NR4A3: variants seen among roughly 807,000 people sequenced by gnomAD.
The protein encoded by NR4A3 is nuclear receptor subfamily 4 group A member 3, also known as chondrosarcoma, extraskeletal myxoid, fused to EWS.
In NR4A3, 13 loss-of-function variants were observed where a neutral mutation model predicts 55.6. The observed-to-expected ratio is 0.23, with a 90% CI of 0.15 to 0.37. NR4A3 has a LOEUF of 0.37. Ranked by LOEUF, NR4A3 falls within the 10% of genes least tolerant of loss-of-function variation. The pLI is 1.00. For missense variants in NR4A3, 646 were observed against 822.8 expected (o/e 0.79, Z 2.63); for synonymous variants, 342 against 357.9 (o/e 0.96, Z 0.50).
chr9:99,835,358 G>A (rs1233878802), intron 5 of NR4A3, among the ~76,000 whole-genome samples: 2 of 152,198 alleles, frequency 1.3e-5, no homozygotes, highest in African/African-American at 4.8e-5. Context: ...GACAGAATTA[G>A]GAGCCAAGTA....
At position 99,865,074 on chromosome 9, in the gene NR4A3, C is replaced by CCGTGTT. The variant is rs1390337195; in HGVS notation, c.*1211_*1216dup. The CCGTGTT allele has an allele frequency of 5.0e-6, 1 of 201,684 alleles. No individual in the cohort carries two copies. The highest frequency in any genetic ancestry group is 7.6e-5 in the East Asian group (1 of 13,228). 12.5% of individuals were successfully genotyped at this position (201,684 alleles called of 1,614,324 possible). ...GATTAGTGGGCTGCGTTTCAACATT[C>CCGTGTT]CGTGTTCGTACTCCCTTTTGTATGT... On this transcript the variant is annotated 3_prime_UTR_variant, in exon 8 of 8. Coordinates refer to ENST00000395097, the MANE Select transcript of NR4A3 (RefSeq NM_006981.4). The surrounding 1 kb of genome is among the most constrained non-coding windows in gnomAD (Gnocchi z 4.3).
rs1827370146 is a variant in NR4A3, at chr9:99,828,681, C to T, written c.639C>T (p.Tyr213=). 2.2e-6 allele frequency: 3 copies of T among 1,377,670 alleles called. No homozygotes were observed. Among genetic ancestry groups the T allele is most frequent in the South Asian group, 3.3e-5 (2 of 60,090 alleles). 85.3% of individuals were successfully genotyped at this position (1,377,670 alleles called of 1,614,324 possible). ...CGGCCGGCGGCCACCACCTCGGCTA[C>T]GACCCGACGGCCGCTGCCGCGCTCA... The part of the protein sequence containing the change: ...PSPAGGHHLG[Y]DPTAAAALSL... The change falls in exon 3 of 8, where the codon TAC becomes TAT. Residue 213 remains tyrosine (Y), a synonymous_variant. Coordinates refer to ENST00000395097, the MANE Select transcript of NR4A3 (RefSeq NM_006981.4). This position sits in a 1 kb window ranked among gnomAD's most constrained non-coding sequence, Gnocchi z 7.7.
At chr9:99,857,753 CACAA>C (rs1456784200) in intron 7 of NR4A3, among the ~76,000 whole-genome samples, 5 of 112,398 alleles carry the variant, frequency 4.4e-5, no homozygotes, top group Non-Finnish European at 9.4e-5. Flanking sequence ...GACTCTGTCT[CACAA>C]ATAAATAAAT....
intron 6 of NR4A3, among the ~76,000 whole-genome samples, chr9:99,845,808 C>T (rs1381268087): frequency 6.6e-6 from 1 of 152,192 alleles, no homozygotes; most frequent in Admixed American, 6.5e-5. Context: ...GTTTTATACT[C>T]TGAGACTAAA....
chr9:99,833,492 A>G (rs1381953829), intron 5 of NR4A3, 38 bp downstream of exon 5: 1 of 1,613,942 alleles, frequency 6.2e-7, no homozygotes, highest in East Asian at 2.2e-5. Context: ...ATGAATGATC[A>G]GGGTCTCTAT....
chr9:99,826,746 T>C (rs932229561), intron 2 of NR4A3: 1 of 1,613,452 alleles, frequency 6.2e-7, no homozygotes, highest in Non-Finnish European at 8.5e-7. Flanking sequence ...ATCACCTTTT[T>C]TCAAGTCAAG....
At position 99,832,684 on chromosome 9, in the gene NR4A3, C is replaced by A; in HGVS notation, c.952-5C>A. ...AGTTGACTATCTTGTATTATATTTTCTCAGAGAACAGTGCAGAAAAATGCA... is the reference window on the plus strand; with the variant it reads ...AGTTGACTATCTTGTATTATATTTTATCAGAGAACAGTGCAGAAAAATGCA... On this transcript the variant is annotated splice_region_variant and splice_polypyrimidine_tract_variant and intron_variant, in intron 3 of 7. Coordinates refer to ENST00000395097, the MANE Select transcript of NR4A3 (RefSeq NM_006981.4). The A allele has an allele frequency of 6.3e-7, 1 of 1,583,998 alleles. No homozygotes were observed. The highest frequency in any genetic ancestry group is 8.6e-7 in the Non-Finnish European group (1 of 1,160,108).
Position 99,828,048 on chromosome 9 carries a change from C to G in NR4A3, c.6C>G (p.Pro2=). Residue 2 remains proline (P), a synonymous_variant, in exon 3 of 8, where the codon CCC becomes CCG. Transcript: ENST00000395097. The surrounding 1 kb of genome is among the most constrained non-coding windows in gnomAD (Gnocchi z 7.7). M[P]CVQAQYSPSP... ...TTTTCTCTGTCCCTGCAGATATGCC[C>G]TGCGTCCAAGCCCAATATAGCCCTT... is the stretch of plus-strand genomic sequence containing the variant. 1 of 1,612,776 alleles carries G rather than the reference C, an allele frequency of 6.2e-7. No individual in the cohort carries two copies. Among genetic ancestry groups the G allele is most frequent in the Non-Finnish European group, 8.5e-7 (1 of 1,179,284 alleles).
chr9:99,828,549 C>A lies in NR4A3; in HGVS notation c.507C>A (p.Pro169=), dbSNP rs758120652. ...CCTCGGCGCCCGGCTGCATCGCACC[C>A]GGCCCGCTGCTGGACCCGCCGATGA... ...ALPSAPGCIA[P]GPLLDPPMKA... Residue 169 remains proline, a synonymous_variant, in exon 3 of 8, where the codon CCC becomes CCA. Coordinates refer to ENST00000395097, the MANE Select transcript of NR4A3 (RefSeq NM_006981.4). The surrounding 1 kb of genome is among the most constrained non-coding windows in gnomAD (Gnocchi z 7.7). 1.0e-5 allele frequency: 16 copies of A among 1,523,890 alleles called. No homozygotes were observed. The East Asian group carries it at 1.7e-4, about 16-fold the overall frequency. 94.4% of individuals were successfully genotyped at this position (1,523,890 alleles called of 1,614,324 possible). A position where few individuals can be genotyped will look rare whatever the true frequency, so the allele number is the denominator to read the frequency against.
At chr9:99,827,969 C>T in intron 2 of NR4A3, 72 bp from the exon 3 acceptor site, 1 of 1,534,734 alleles carries the variant, frequency 6.5e-7, no homozygotes, top group Non-Finnish European at 8.8e-7. Context: ...GAACAGTGAA[C>T]CCAATGCTGC....
intron 7 of NR4A3, among the ~76,000 whole-genome samples, chr9:99,861,139 T>C (rs1828001926): frequency 6.6e-6 from 1 of 152,248 alleles, no homozygotes; most frequent in African/African-American, 2.4e-5. Context: ...CATCTCTTTA[T>C]AGCATATTGC....
intron 5 of NR4A3, among the ~76,000 whole-genome samples, chr9:99,836,252 A>C (rs569309055): frequency 3.3e-5 from 5 of 152,104 alleles, no homozygotes; most frequent in Admixed American, 2.6e-4. Context: ...GTTAACAAAA[A>C]TAAATCTGAA....
intron 5 of NR4A3, among the ~76,000 whole-genome samples, chr9:99,840,008 G>A (rs1215400496): frequency 1.3e-5 from 2 of 152,176 alleles, no homozygotes; most frequent in African/African-American, 2.4e-5. Flanking sequence ...AATCTAAAAC[G>A]TTTTGTTCCG....
At chr9:99,833,891 C>T in intron 5 of NR4A3, 1 of 1,249,618 alleles carries the variant, frequency 8.0e-7, no homozygotes, top group Non-Finnish European at 1.0e-6. Flanking sequence ...GCTGCTTATT[C>T]AGAGGGATTA....
At chr9:99,827,228 T>C (rs1827313262) in intron 2 of NR4A3, among the ~76,000 whole-genome samples, 1 of 152,056 alleles carries the variant, frequency 6.6e-6, no homozygotes, top group Non-Finnish European at 1.5e-5. Context: ...GTCACTGATA[T>C]GTTTTATTAG....
intron 5 of NR4A3, among the ~76,000 whole-genome samples, chr9:99,840,060 C>T (rs1827625578): frequency 6.6e-6 from 1 of 152,250 alleles, no homozygotes; most frequent in Admixed American, 6.5e-5. Flanking sequence ...TTTTTCTTTT[C>T]CTCCAGCATT....
At position 99,828,478 on chromosome 9, in the gene NR4A3, C is replaced by T; in HGVS notation, c.436C>T (p.Pro146Ser). ...GTCCCCACCGTCCACCCCCACCACG[C>T]CGGCCTTCCCCCCGCAGGCGGGGGC... Reference protein sequence around the residue: ...KQSPPSTPTTPAFPPQAGALW... With the variant: ...KQSPPSTPTTSAFPPQAGALW... Residue 146 changes from proline (P) to serine (S), a missense_variant, in exon 3 of 8, where the codon CCG becomes TCG. By Grantham distance (74) the Pro-to-Ser change is moderately conservative. Coordinates refer to ENST00000395097, the MANE Select transcript of NR4A3 (RefSeq NM_006981.4). The surrounding 1 kb of genome is among the most constrained non-coding windows in gnomAD (Gnocchi z 7.7). The T allele has an allele frequency of 6.3e-7, 1 of 1,577,002 alleles. No homozygotes were observed. The highest frequency in any genetic ancestry group is 8.6e-7 in the Non-Finnish European group (1 of 1,163,170).
In NR4A3 at chr9:99,864,338, G is replaced by A. The variant is rs993383344; in HGVS notation, c.*471G>A. Reference sequence around the variant, plus strand: ...AATATGCTTCCTGTATCAAAGGTACGTATGTGGTGCAAACAAGGCAGAAAC... The same window carrying A: ...AATATGCTTCCTGTATCAAAGGTACATATGTGGTGCAAACAAGGCAGAAAC... On this transcript the variant is annotated 3_prime_UTR_variant, in exon 8 of 8. Transcript: ENST00000395097. 2.2e-5 allele frequency: 5 copies of A among 230,416 alleles called. No homozygotes were observed. Among genetic ancestry groups the A allele is most frequent in the Non-Finnish European group, 3.4e-5 (4 of 116,098 alleles). The allele number at this position is 230,416 out of a possible 1,614,324, so 14.3% of individuals were successfully genotyped here. A position where few individuals can be genotyped will look rare whatever the true frequency, so the allele number is the denominator to read the frequency against.
At chr9:99,824,716 C>T (rs914954504) in intron 1 of NR4A3, among the ~76,000 whole-genome samples, 1 of 152,260 alleles carries the variant, frequency 6.6e-6, no homozygotes, top group Non-Finnish European at 1.5e-5. Flanking sequence ...CTTCGAGCTG[C>T]GCCCACCCCG....
Sources: gnomAD v4.1 joint callset for allele counts (sites outside exome capture counted in the v4.1 genomes callset) on GRCh38, gnomAD v4.1.1 for gene constraint, Gnocchi (gnomAD v3.1) non-coding constraint, MANE v1.5 for transcripts, NCBI Gene and HGNC (gene_info 2026-07-23, HGNC 2026-07-21) for gene names.